The following ADAM12 variants were observed in gnomAD, a reference collection of about 807,000 sequenced individuals.
ADAM12 encodes disintegrin and metalloproteinase domain-containing protein 12.
A neutral mutation model predicts 106.4 loss-of-function variants in ADAM12; 70 were observed. The ratio of observed to expected loss-of-function variants is 0.66; its 90% CI spans 0.54 to 0.80. The LOEUF (loss-of-function observed/expected upper bound fraction) is 0.80. Among genes scored for constraint, ADAM12 ranks in the 30% least tolerant of loss-of-function variants. The pLI, the probability that ADAM12 is intolerant of heterozygous loss-of-function variation, is 0.00. For missense variants in ADAM12, 1,010 were observed against 1,171.9 expected, an observed-to-expected ratio of 0.86 and a Z score of 2.02; for synonymous variants, 420 against 433.5, an observed-to-expected ratio of 0.97 and a Z score of 0.39.
intron 3 of ADAM12, among the ~76,000 whole-genome samples, chr10:126,185,400 G>T (rs1357441186): frequency 6.6e-6 from 1 of 152,138 alleles, no homozygotes; most frequent in African/African-American, 2.4e-5. Context: ...AGGGGCAAAT[G>T]ACAGCAACCT....
intron 12 of ADAM12, 81 bp downstream of exon 12, chr10:126,071,396 A>G (rs1032837653): frequency 2.6e-5 from 39 of 1,525,308 alleles, no homozygotes; most frequent in Non-Finnish European, 3.3e-5. Flanking sequence ...ATCTGGCTGT[A>G]CAGTTCCTCC....
chr10:126,224,845 A>G (rs1278106305), intron 3 of ADAM12, among the ~76,000 whole-genome samples: 1 of 152,230 alleles, frequency 6.6e-6, no homozygotes. Flanking sequence ...CAGCTGTTTC[A>G]TGGAGGATCC....
chr10:126,257,193 C>G (rs1255734380), intron 3 of ADAM12, among the ~76,000 whole-genome samples: 1 of 152,206 alleles, frequency 6.6e-6, no homozygotes, highest in East Asian at 1.9e-4. Flanking sequence ...CTGCAAAACA[C>G]AATGACACAC....
intron 11 of ADAM12, among the ~76,000 whole-genome samples, chr10:126,089,996 C>T (rs1280494633): frequency 6.6e-6 from 1 of 152,062 alleles, no homozygotes; most frequent in Admixed American, 6.6e-5. Context: ...TGCTATGTTG[C>T]CCATGCTGGT....
intron 3 of ADAM12, among the ~76,000 whole-genome samples, chr10:126,159,213 G>C (rs1012662036): frequency 1.3e-5 from 2 of 150,604 alleles, no homozygotes; most frequent in Non-Finnish European, 2.9e-5. Flanking sequence ...AGGAGGCTGA[G>C]GCAGGAGAAT....
intron 3 of ADAM12, among the ~76,000 whole-genome samples, chr10:126,183,936 A>C (rs568975093): frequency 6.2e-4 from 94 of 152,344 alleles, no homozygotes; most frequent in African/African-American, 2.2e-3. Context: ...ACACTTAATA[A>C]ATGTTTATGT....
chr10:126,017,380 G>A, intron 22 of ADAM12, 41 bp from the exon 23 acceptor site: 1 of 1,521,762 alleles, frequency 6.6e-7, no homozygotes, highest in Non-Finnish European at 8.9e-7. Flanking sequence ...CAGAGACCTT[G>A]AGAAGTGATT....
chr10:126,345,162 G>T (rs1224385766), intron 1 of ADAM12, among the ~76,000 whole-genome samples: 2 of 152,156 alleles, frequency 1.3e-5, no homozygotes, highest in Non-Finnish European at 2.9e-5. Context: ...CTATGGGTTT[G>T]TCATAAATAG....
In ADAM12 at chr10:126,071,595, T is replaced by C. The variant is rs767998062; in HGVS notation, c.1205A>G (p.Glu402Gly). ...CSRKDLETSL[E>G]KGMGVCLFNL... is the part of the protein sequence containing the mutation. ...AAACAGGCACACCCCCATTCCTTTC[T>C]CCAGGCTGGTCTCCAAGTCCTTCCT... The change falls in exon 12 of 23, where the codon GAG becomes GGG. Residue 402 changes from glutamate (E) to glycine (G), a missense_variant. By Grantham distance (98) the Glu-to-Gly change is moderately conservative. Around this residue, in one of 3 missense-constraint regions of ADAM12, gnomAD observed 615 missense variants for 708.5 expected, o/e 0.87. Coordinates refer to ENST00000448723, the MANE Select transcript of ADAM12 (RefSeq NM_001288973.2). 20 of 1,614,130 alleles carry C rather than the reference T, an allele frequency of 1.2e-5. No homozygotes were observed. In the Admixed American group the frequency reaches 3.2e-4, roughly 26 times the overall value.
chr10:126,303,291 T>C (rs891703617), intron 2 of ADAM12, among the ~76,000 whole-genome samples: 47 of 152,316 alleles, frequency 3.1e-4, no homozygotes, highest in African/African-American at 1.1e-3. Context: ...CAGCTGTTTT[T>C]ATTGCTGCTG....
rs117527631 is a variant in ADAM12 at position 126,248,861 on chromosome 10, G to A, written c.260+30054C>T. On this transcript the variant is annotated intron_variant, in intron 3 of 22. Transcript: ENST00000448723. The stretch of plus-strand genomic sequence containing the variant: ...GCTGGGACTACAGACAGGCGCCATC[G>A]TACCTGGCTAATTTTTGTATTTTTA... 8.9e-3 allele frequency among the ~76,000 whole-genome samples: 1,356 copies of A among 151,784 alleles called. 41 individuals carry two copies. The East Asian group carries it at 0.12, about 13-fold the overall frequency.
chr10:126,041,901 A>T, intron 18 of ADAM12: 1 of 1,406,080 alleles, frequency 7.1e-7, no homozygotes, highest in South Asian at 1.6e-5. Context: ...AAGCATGTCC[A>T]TGTTTTAGCA....
intron 18 of ADAM12, 152 bp downstream of exon 18, chr10:126,042,888 G>A (rs920347851): frequency 6.0e-6 from 4 of 662,984 alleles, no homozygotes; most frequent in Non-Finnish European, 1.0e-5. Context: ...GGGGCATCTG[G>A]AAACTGCGGG....
At chr10:126,331,087 T>C (rs1854494782) in intron 1 of ADAM12, among the ~76,000 whole-genome samples, 1 of 152,228 alleles carries the variant, frequency 6.6e-6, no homozygotes, top group Non-Finnish European at 1.5e-5. Flanking sequence ...TAAACTATTA[T>C]ATGATCTTGT....
At chr10:126,372,991 T>C (rs1460567886) in intron 1 of ADAM12, among the ~76,000 whole-genome samples, 3 of 152,198 alleles carry the variant, frequency 2.0e-5, no homozygotes, top group Non-Finnish European at 4.4e-5. Flanking sequence ...GCTTAGTGAA[T>C]TGAATAGACT....
Position 126,088,527 on chromosome 10 carries a change from C to A in ADAM12, c.1145+5458G>T, listed in dbSNP as rs1955400965. Among the ~76,000 whole-genome samples the A allele has an allele frequency of 3.5e-5, 5 of 141,874 alleles. No individual in the cohort carries two copies. The Admixed American group carries it at 3.6e-4, about 10-fold the overall frequency. The allele number at this position is 141,874 out of a possible 152,430, so 93.1% of individuals were successfully genotyped here. On this transcript the variant is annotated intron_variant, in intron 11 of 22. Coordinates refer to ENST00000448723, the MANE Select transcript of ADAM12 (RefSeq NM_001288973.2). ...ACCAGCCTGTCCAACATGATGAAACCCCATCTCTATTAAATATACCAAAAA... is the reference window on the plus strand; with the variant it reads ...ACCAGCCTGTCCAACATGATGAAACACCATCTCTATTAAATATACCAAAAA...
chr10:126,046,258 G>T (rs1954316568), intron 16 of ADAM12, 126 bp from the exon 17 acceptor site: 1 of 811,006 alleles, frequency 1.2e-6, no homozygotes, highest in Non-Finnish European at 2.1e-6. Context: ...CCTTGTCTCA[G>T]TTAATACGGA....
chr10:126,040,145 GA>G (rs1339141928), intron 18 of ADAM12, among the ~76,000 whole-genome samples: 2 of 152,008 alleles, frequency 1.3e-5, no homozygotes, highest in African/African-American at 2.4e-5. Context: ...GGAAAGGAAG[GA>G]AAAAAATCAA....
At chr10:126,317,497 G>A (rs898967951) in intron 2 of ADAM12, among the ~76,000 whole-genome samples, 1 of 152,210 alleles carries the variant, frequency 6.6e-6, no homozygotes, top group African/African-American at 2.4e-5. Flanking sequence ...TTAGAAAAGG[G>A]TCAATTTAAT....
Sources: allele counts gnomAD v4.1 joint callset (sites outside exome capture counted in the v4.1 genomes callset), GRCh38; gene constraint gnomAD v4.1.1; regional missense constraint gnomAD v4.1.1; transcripts MANE v1.5; gene names NCBI Gene and HGNC (gene_info 2026-07-23, HGNC 2026-07-21).